The following CCDC85C variants were observed in gnomAD, a reference collection of about 807,000 sequenced individuals.
CCDC85C encodes coiled-coil domain-containing protein 85C.
Under a neutral mutation model 38.3 loss-of-function variants are expected in CCDC85C, and 18 were observed. The ratio of observed to expected loss-of-function variants is 0.47; its 90% confidence interval spans 0.33 to 0.70. The LOEUF (loss-of-function observed/expected upper bound fraction) is 0.70, where lower values mean the gene tolerates loss of function less well. Ranked by LOEUF, CCDC85C falls within the 30% of genes least tolerant of loss-of-function variation. The probability of loss-of-function intolerance (pLI) is 0.03; values close to 1 mark genes in which losing one functional copy is unlikely to be tolerated. For missense variants in CCDC85C, 566 were observed against 621.2 expected (o/e 0.91, Z 0.94); for synonymous variants, 264 against 293.8 (o/e 0.90, Z 1.04).
At chr14:99,564,475 G>A (rs1021694295) in intron 1 of CCDC85C, among the ~76,000 whole-genome samples, 2 of 152,228 alleles carry the variant, frequency 1.3e-5, no homozygotes, top group Non-Finnish European at 1.5e-5. Flanking sequence ...CCTCCATGGA[G>A]CCTTCCTGAT....
Position 99,538,054 on chromosome 14 carries a change from C to T in CCDC85C, c.794-1966G>A, listed in dbSNP as rs926665651. ...GAACGCACCAATGACTATGGACCCA[C>T]GTGTGGGGTCTCCCTCTGGGTGGAG... is the stretch of plus-strand genomic sequence containing the variant. On this transcript the variant is annotated intron_variant, in intron 1 of 5. Coordinates refer to ENST00000380243, the MANE Select transcript of CCDC85C (RefSeq NM_001144995.2). Among the ~76,000 whole-genome samples, 9 of 152,206 alleles carry T rather than the reference C, an allele frequency of 5.9e-5. No individual in the cohort carries two copies. In the East Asian group the frequency reaches 7.7e-4, roughly 13 times the overall value.
rs1490516633 is a variant in CCDC85C, at chr14:99,516,087, C to T, written c.1170+101G>A. The T allele has an allele frequency of 4.3e-6, 4 of 939,710 alleles. No homozygotes were observed. The highest frequency in any genetic ancestry group is 5.0e-6 in the Non-Finnish European group (3 of 601,874). The allele number at this position is 939,710 out of a possible 1,614,324, so 58.2% of individuals were successfully genotyped here. A position where few individuals can be genotyped will look rare whatever the true frequency, so the allele number is the denominator to read the frequency against. ...GGTCACCCAGCCTTCGCTGAGCATT[C>T]GAGAAATGGAGTCCCACATGGGGAA... is the stretch of plus-strand genomic sequence containing the variant. On this transcript the variant is annotated intron_variant, in intron 5 of 5. Transcript: ENST00000380243. The surrounding 1 kb of genome is among the most constrained non-coding windows in gnomAD (Gnocchi z 5.5).
At position 99,503,965 on chromosome 14, in the gene CCDC85C, G is replaced by A; in HGVS notation, c.*11281C>T. ...TTAGAGACTATTTACCCCCATCACA[G>A]CAGCAGGAGTCCTCTCCCAAGCACC... On this transcript the variant is annotated 3_prime_UTR_variant, in exon 6 of 6. Coordinates refer to ENST00000380243, the MANE Select transcript of CCDC85C (RefSeq NM_001144995.2). 1 of 362,736 alleles carries A rather than the reference G, an allele frequency of 2.8e-6. No individual in the cohort carries two copies. Among genetic ancestry groups the A allele is most frequent in the Non-Finnish European group, 5.2e-6 (1 of 191,956 alleles). 22.5% of individuals were successfully genotyped at this position (362,736 alleles called of 1,614,324 possible). A position where few individuals can be genotyped will look rare whatever the true frequency, so the allele number is the denominator to read the frequency against.
intron 1 of CCDC85C, among the ~76,000 whole-genome samples, chr14:99,574,428 T>C (rs1350985094): frequency 6.6e-6 from 1 of 151,866 alleles, no homozygotes; most frequent in Non-Finnish European, 1.5e-5. Context: ...TCACACCCCA[T>C]ACGCTCCCCT....
chr14:99,578,051 G>GTGTGTGTGTT (rs1898530765), intron 1 of CCDC85C, among the ~76,000 whole-genome samples: 2 of 138,546 alleles, frequency 1.4e-5, no homozygotes, highest in Non-Finnish European at 3.0e-5. Flanking sequence ...CCCCATCAGA[G>GTGTGTGTGTT]TGTGTGTGTG....
At chr14:99,587,784 G>A (rs981072420) in intron 1 of CCDC85C, among the ~76,000 whole-genome samples, 11 of 152,144 alleles carry the variant, frequency 7.2e-5, no homozygotes, top group South Asian at 6.2e-4. Context: ...ACTGCACGGG[G>A]GCTGACTCTA....
chr14:99,596,762 T>C (rs747193769), intron 1 of CCDC85C, among the ~76,000 whole-genome samples: 1 of 152,158 alleles, frequency 6.6e-6, no homozygotes, highest in Non-Finnish European at 1.5e-5. Context: ...TCTCTTGTTG[T>C]TATGTAGCAG....
chr14:99,503,648 A>G lies in CCDC85C; in HGVS notation c.*11598T>C, dbSNP rs754843358. On this transcript the variant is annotated 3_prime_UTR_variant, in exon 6 of 6. Coordinates refer to ENST00000380243, the MANE Select transcript of CCDC85C (RefSeq NM_001144995.2). ...AAAGAAGAGAACAAAGCAGCAGGTAATTTCCTGTTCTGATGTTTTTTTAGT... is the reference window on the plus strand; with the variant it reads ...AAAGAAGAGAACAAAGCAGCAGGTAGTTTCCTGTTCTGATGTTTTTTTAGT... 7.7e-6 allele frequency: 12 copies of G among 1,557,856 alleles called. No individual in the cohort carries two copies. The highest frequency in any genetic ancestry group is 8.7e-6 in the Non-Finnish European group (10 of 1,148,918).
chr14:99,574,315 G>C (rs1304559568), intron 1 of CCDC85C, among the ~76,000 whole-genome samples: 1 of 152,094 alleles, frequency 6.6e-6, no homozygotes. Context: ...GGCAGAAGCA[G>C]TTAGATCTGA....
chr14:99,561,519 A>G (rs1898116971), intron 1 of CCDC85C, among the ~76,000 whole-genome samples: 1 of 152,206 alleles, frequency 6.6e-6, no homozygotes, highest in Non-Finnish European at 1.5e-5. Flanking sequence ...CCCCCACTGG[A>G]AAATCAGGTC....
At chr14:99,536,859 C>A (rs1897612231) in intron 1 of CCDC85C, among the ~76,000 whole-genome samples, 1 of 152,188 alleles carries the variant, frequency 6.6e-6, no homozygotes, top group Non-Finnish European at 1.5e-5. Context: ...AATCCCATCC[C>A]CACCCCCACG....
chr14:99,540,078 G>A (rs1393860797), intron 1 of CCDC85C, among the ~76,000 whole-genome samples: 2 of 152,080 alleles, frequency 1.3e-5, no homozygotes, highest in Non-Finnish European at 1.5e-5. Flanking sequence ...AACCCGGGAG[G>A]CAGAGGTTGC....
chr14:99,535,302 C>G lies in CCDC85C; in HGVS notation c.867+713G>C, dbSNP rs1032207358. Among the ~76,000 whole-genome samples, 6 of 152,170 alleles carry G rather than the reference C, an allele frequency of 3.9e-5. No individual in the cohort carries two copies. The highest frequency in any genetic ancestry group is 8.8e-5 in the Non-Finnish European group (6 of 68,016). On this transcript the variant is annotated intron_variant, in intron 2 of 5. Coordinates refer to ENST00000380243, the MANE Select transcript of CCDC85C (RefSeq NM_001144995.2). This position sits in a 1 kb window ranked among gnomAD's most constrained non-coding sequence, Gnocchi z 5.5. ...GAAGCCAGGGATGCGCACGAGGGCT[C>G]GGAGGCTTGGGGGAGCGAGCGGCTT...
intron 1 of CCDC85C, among the ~76,000 whole-genome samples, chr14:99,593,240 T>C (rs968763810): frequency 3.9e-5 from 6 of 152,238 alleles, no homozygotes; most frequent in African/African-American, 4.8e-5. Context: ...GCGGGCCTCC[T>C]TCTTGCCTTA....
In CCDC85C at chr14:99,515,285, C is replaced by T. The variant is rs756621787; in HGVS notation, c.1221G>A (p.Arg407=). 10 of 1,550,804 alleles carry T rather than the reference C, an allele frequency of 6.4e-6. No individual in the cohort carries two copies. The highest frequency in any genetic ancestry group is 8.7e-6 in the Non-Finnish European group (10 of 1,146,842). The part of the protein sequence containing the change: ...GDAASSKPSI[R]QHLSGNQFKG... Reference sequence around the variant, plus strand: ...TGAACTGGTTCCCAGACAGGTGCTGCCGTATGGAGGGCTTGGAGCTGGCTG... The same window carrying T: ...TGAACTGGTTCCCAGACAGGTGCTGTCGTATGGAGGGCTTGGAGCTGGCTG... The change falls in exon 6 of 6, where the codon CGG becomes CGA. Residue 407 remains arginine, a synonymous_variant. Transcript: ENST00000380243.
At chr14:99,553,276 CT>C (rs1166618047) in intron 1 of CCDC85C, among the ~76,000 whole-genome samples, 1 of 152,216 alleles carries the variant, frequency 6.6e-6, no homozygotes, top group Non-Finnish European at 1.5e-5. Context: ...ATGTCACAAT[CT>C]TCTCACAGGC....
chr14:99,591,382 C>T (rs2055084356), intron 1 of CCDC85C, among the ~76,000 whole-genome samples: 1 of 152,266 alleles, frequency 6.6e-6, no homozygotes, highest in South Asian at 2.1e-4. Context: ...GGCCTTGCAC[C>T]TACAGCCGCA....
chr14:99,568,320 T>TCGG (rs1443323143), intron 1 of CCDC85C, among the ~76,000 whole-genome samples: 1 of 139,970 alleles, frequency 7.1e-6, no homozygotes, highest in Non-Finnish European at 1.5e-5. Flanking sequence ...TGGCACGATC[T>TCGG]CGGCTCACTA....
At position 99,551,646 on chromosome 14, in the gene CCDC85C, A is replaced by AGTGTGCAGGTGGGTGAGAGGTGG. The variant is rs1566770833; in HGVS notation, c.794-15581_794-15559dup. Among the ~76,000 whole-genome samples, 775 of 112,892 alleles carry AGTGTGCAGGTGGGTGAGAGGTGG rather than the reference A, an allele frequency of 6.9e-3. 6 individuals carry two copies. Among genetic ancestry groups the AGTGTGCAGGTGGGTGAGAGGTGG allele is most frequent in the Admixed American group, 0.027 (298 of 10,940 alleles). 74.1% of individuals were successfully genotyped at this position (112,892 alleles called of 152,430 possible). A position where few individuals can be genotyped will look rare whatever the true frequency, so the allele number is the denominator to read the frequency against. On this transcript the variant is annotated intron_variant, in intron 1 of 5. Transcript: ENST00000380243. ...TGAGTGTGCAGGTGGGTGAGAGGTG[A>AGTGTGCAGGTGGGTGAGAGGTGG]GTGTGCAGGTGGGTGAGAGGTGGGT...
Sources: allele counts gnomAD v4.1 joint callset (sites outside exome capture counted in the v4.1 genomes callset), GRCh38; gene constraint gnomAD v4.1.1; non-coding constraint Gnocchi (gnomAD v3.1); transcripts MANE v1.5; gene names NCBI Gene and HGNC (gene_info 2026-07-23, HGNC 2026-07-21).